Variants in PEAK1 observed in about 807,000 individuals in gnomAD.
The protein encoded by PEAK1 is inactive tyrosine-protein kinase PEAK1.
A neutral mutation model predicts 124.7 loss-of-function variants in PEAK1; 54 were observed. That is an observed-to-expected ratio of 0.43 (90% CI 0.35 to 0.54). The LOEUF (loss-of-function observed/expected upper bound fraction) is 0.54, where lower values mean the gene tolerates loss of function less well. Among genes scored for constraint, PEAK1 ranks in the 20% least tolerant of loss-of-function variants. The probability of loss-of-function intolerance (pLI) is 0.01; values close to 1 mark genes in which losing one functional copy is unlikely to be tolerated. For synonymous variants in PEAK1, 719 were observed against 760.0 expected (o/e 0.95, Z 0.89); for missense variants, 2,046 against 2,134.5 (o/e 0.96, Z 0.82).
At chr15:77,177,632 T>C (rs887577880) in intron 7 of PEAK1, among the ~76,000 whole-genome samples, 15 of 152,086 alleles carry the variant, frequency 9.9e-5, no homozygotes, top group African/African-American at 3.6e-4. Context: ...CTTTACTTCT[T>C]ACTTTAAGTA....
At chr15:77,243,909 G>A (rs1038976871) in intron 6 of PEAK1, among the ~76,000 whole-genome samples, 3 of 151,874 alleles carry the variant, frequency 2.0e-5, no homozygotes, top group African/African-American at 4.8e-5. Context: ...GGGAGGTTGC[G>A]GTGAGCTGAG....
chr15:77,126,938 C>T (rs1192057524), intron 9 of PEAK1, among the ~76,000 whole-genome samples: 2 of 152,222 alleles, frequency 1.3e-5, no homozygotes, highest in African/African-American at 4.8e-5. Flanking sequence ...ACAAACATGA[C>T]ACCTGCTATG....
intron 1 of PEAK1, among the ~76,000 whole-genome samples, chr15:77,370,110 C>T (rs2068538760): frequency 6.6e-6 from 1 of 152,162 alleles, no homozygotes; most frequent in South Asian, 2.1e-4. Context: ...CTCTACTCTA[C>T]TAAGATATTC....
intron 7 of PEAK1, among the ~76,000 whole-genome samples, chr15:77,165,200 C>CT (rs953922841): frequency 0.013 from 1,722 of 131,392 alleles, 24 homozygotes; most frequent in African/African-American, 0.026. Flanking sequence ...TACGCCTGGC[C>CT]TTTTTTTTTT....
At chr15:77,175,520 C>T (rs539676751) in intron 7 of PEAK1, among the ~76,000 whole-genome samples, 95 of 151,788 alleles carry the variant, frequency 6.3e-4, no homozygotes, top group Non-Finnish European at 4.3e-4. Context: ...CATCACTGGC[C>T]ATCAGAGAAA....
intron 7 of PEAK1, among the ~76,000 whole-genome samples, chr15:77,166,574 A>T (rs550307758): frequency 1.3e-5 from 2 of 152,324 alleles, no homozygotes; most frequent in East Asian, 3.9e-4. Flanking sequence ...CCGGGGGGGA[A>T]TCCCATCCCC....
At chr15:77,373,171 A>C (rs1384479858) in intron 1 of PEAK1, among the ~76,000 whole-genome samples, 1 of 152,022 alleles carries the variant, frequency 6.6e-6, no homozygotes, top group Non-Finnish European at 1.5e-5. Flanking sequence ...TCCTGCTCCT[A>C]ACTGTTGATC....
At chr15:77,263,812 A>T (rs1255310109) in intron 5 of PEAK1, among the ~76,000 whole-genome samples, 1 of 152,138 alleles carries the variant, frequency 6.6e-6, no homozygotes, top group East Asian at 1.9e-4. Flanking sequence ...CAAAAAAAAG[A>T]ATTTTAGACC....
intron 5 of PEAK1, among the ~76,000 whole-genome samples, chr15:77,266,400 C>T (rs926823618): frequency 2.0e-5 from 3 of 152,110 alleles, no homozygotes; most frequent in Non-Finnish European, 1.5e-5. Context: ...CCAGAACAGG[C>T]GCCTCCTGCC....
intron 1 of PEAK1, among the ~76,000 whole-genome samples, chr15:77,366,901 C>T (rs184048749): frequency 5.2e-4 from 79 of 152,178 alleles, no homozygotes; most frequent in African/African-American, 1.7e-3. Context: ...TTTGGGAGGC[C>T]GAGGCAGGTG....
At chr15:77,152,584 C>T (rs1276587512) in intron 8 of PEAK1, among the ~76,000 whole-genome samples, 2 of 152,162 alleles carry the variant, frequency 1.3e-5, no homozygotes, top group African/African-American at 4.8e-5. Context: ...AAAGGGAATG[C>T]TTCCAGTTTT....
At chr15:77,292,694 G>A (rs1026313308) in intron 2 of PEAK1, among the ~76,000 whole-genome samples, 4 of 152,098 alleles carry the variant, frequency 2.6e-5, no homozygotes, top group South Asian at 2.1e-4. Flanking sequence ...CAAAAGCACC[G>A]TAAGTACTGA....
chr15:77,173,509 T>C (rs1596464536), intron 7 of PEAK1, among the ~76,000 whole-genome samples: 1 of 152,172 alleles, frequency 6.6e-6, no homozygotes, highest in East Asian at 1.9e-4. Context: ...ATGTACTATG[T>C]CATTATTAAC....
Position 77,133,079 on chromosome 15 carries a change from A to ATGGT in PEAK1, c.3999_4002dup (p.Cys1335ThrfsTer4). On this transcript the variant is annotated frameshift_variant, in exon 9 of 10. Transcript: ENST00000682557. LOFTEE classifies it high-confidence loss of function. This position sits in a 1 kb window ranked among gnomAD's most constrained non-coding sequence, Gnocchi z 4.2. ...TAAACCGCATCACCTGCCTCACAACATGGTTTGTCACTGGTTAGCCTGAAG... is the reference window on the plus strand; with the variant it reads ...TAAACCGCATCACCTGCCTCACAACATGGTTGGTTTGTCACTGGTTAGCCTGAAG... 1 of 1,614,180 alleles carries ATGGT rather than the reference A, an allele frequency of 6.2e-7. No individual in the cohort carries two copies. The highest frequency in any genetic ancestry group is 8.5e-7 in the Non-Finnish European group (1 of 1,180,024).
At chr15:77,170,580 G>C (rs1336374669) in intron 7 of PEAK1, among the ~76,000 whole-genome samples, 3 of 152,090 alleles carry the variant, frequency 2.0e-5, no homozygotes, top group African/African-American at 7.2e-5. Flanking sequence ...TAGATATCAG[G>C]GGGCAAGATA....
intron 1 of PEAK1, among the ~76,000 whole-genome samples, chr15:77,392,758 G>A (rs757382659): frequency 6.6e-6 from 1 of 152,126 alleles, no homozygotes; most frequent in African/African-American, 2.4e-5. Flanking sequence ...CACACCAATC[G>A]TCCTCCCTGC....
downstream of PEAK1, chr15:77,105,458 T>A (rs1473631821): frequency 6.6e-6 from 1 of 152,224 alleles, no homozygotes; most frequent in East Asian, 1.9e-4. Context: ...TTTGCAAATT[T>A]GAGAGAACTG....
chr15:77,103,230 C>G (rs958516286), downstream of PEAK1: 7 of 152,194 alleles, frequency 4.6e-5, no homozygotes, highest in African/African-American at 1.7e-4. Context: ...ACTGTGGCCT[C>G]GACCTCCTGG....
At chr15:77,282,772 A>G (rs185720813) in intron 5 of PEAK1, among the ~76,000 whole-genome samples, 4 of 152,334 alleles carry the variant, frequency 2.6e-5, no homozygotes, top group East Asian at 3.9e-4. Flanking sequence ...AGACACAATC[A>G]TATTATAATA....
Sources: allele counts gnomAD v4.1 joint callset (sites outside exome capture counted in the v4.1 genomes callset), GRCh38; gene constraint gnomAD v4.1.1; non-coding constraint Gnocchi (gnomAD v3.1); transcripts MANE v1.5; gene names NCBI Gene and HGNC (gene_info 2026-07-23, HGNC 2026-07-21).